Variants in SCOC observed in about 807,000 individuals in gnomAD.
SCOC encodes short coiled coil protein.
A neutral mutation model predicts 9.9 loss-of-function variants in SCOC; 7 were observed. The ratio of observed to expected loss-of-function variants is 0.71; its 90% CI spans 0.40 to 1.33. The LOEUF (loss-of-function observed/expected upper bound fraction) is 1.33. Ranked by LOEUF, SCOC falls within the 40% of genes most tolerant of loss-of-function variation. The pLI is 0.01. For synonymous variants in SCOC, 19 were observed against 28.2 expected (o/e 0.67, Z 1.03); for missense variants, 66 against 89.7 (o/e 0.74, Z 1.07).
chr4:140,365,556 C>T (rs540612756), intron 2 of SCOC, among the ~76,000 whole-genome samples: 313 of 152,272 alleles, frequency 2.1e-3, no homozygotes, highest in African/African-American at 7.2e-3. Flanking sequence ...ACAGAAATTA[C>T]AATGTATTTT....
At chr4:140,273,494 A>T (rs1730897798) in intron 1 of SCOC, among the ~76,000 whole-genome samples, 1 of 149,824 alleles carries the variant, frequency 6.7e-6, no homozygotes, top group Admixed American at 6.7e-5. Context: ...TTTGCTTTGG[A>T]CCAGCAGTGT....
At chr4:140,333,892 C>T (rs923312861) in intron 1 of SCOC, among the ~76,000 whole-genome samples, 1 of 152,002 alleles carries the variant, frequency 6.6e-6, no homozygotes, top group Non-Finnish European at 1.5e-5. Context: ...TTGTTTTTAC[C>T]AATTGCTGCC....
intron 1 of SCOC, among the ~76,000 whole-genome samples, chr4:140,258,782 T>A (rs571371813): frequency 1.3e-4 from 20 of 152,352 alleles, no homozygotes; most frequent in African/African-American, 4.3e-4. Flanking sequence ...GTGTAGAAAC[T>A]ATAGTTCCAT....
chr4:140,342,097 A>T (rs555658085), upstream of SCOC, among the ~76,000 whole-genome samples: 1 of 152,208 alleles, frequency 6.6e-6, no homozygotes, highest in South Asian at 2.1e-4. Flanking sequence ...CTAGCATTCA[A>T]ACCACTCTTA....
chr4:140,286,869 G>T (rs1560683251), intron 1 of SCOC, among the ~76,000 whole-genome samples: 2 of 152,112 alleles, frequency 1.3e-5, no homozygotes, highest in Non-Finnish European at 2.9e-5. Flanking sequence ...AGGTACTTTG[G>T]GAGGAAAGTG....
upstream of SCOC, chr4:140,373,471 T>A: frequency 1.9e-6 from 3 of 1,549,856 alleles, no homozygotes; most frequent in South Asian, 3.6e-5. Flanking sequence ...GTCAGTGTCC[T>A]TTTGTTATGG....
rs915907006 is a variant in SCOC at position 140,277,314 on chromosome 4, T to TG, written c.-19+19912dup. ...AGACCCCCCTCCCCACTGTATGAGT[T>TG]GGGGGGGGCAGGGGGTAGGGGAGCT... On this transcript the variant is annotated intron_variant, in intron 1 of 4. Transcript: ENST00000394205. Among the ~76,000 whole-genome samples, 111 of 151,326 alleles carry TG rather than the reference T, an allele frequency of 7.3e-4. 1 individual carries two copies. The highest frequency in any genetic ancestry group is 1.2e-3 in the African/African-American group (51 of 41,282).
chr4:140,375,709 T>C (rs1728315717), intron 1 of SCOC, among the ~76,000 whole-genome samples: 1 of 152,234 alleles, frequency 6.6e-6, no homozygotes, highest in Admixed American at 6.5e-5. Context: ...CTCTATGCGT[T>C]CTGCCTCCTG....
upstream of SCOC, among the ~76,000 whole-genome samples, chr4:140,341,280 C>A (rs1048893395): frequency 1.3e-5 from 2 of 152,096 alleles, no homozygotes; most frequent in African/African-American, 4.8e-5. Flanking sequence ...TTTATAAATT[C>A]TTTTATTAAG....
chr4:140,366,215 T>A, intron 2 of SCOC: 1 of 747,200 alleles, frequency 1.3e-6, no homozygotes, highest in Non-Finnish European at 1.8e-6. Flanking sequence ...ATAGAACTTT[T>A]ATTACTTTTC....
rs896401243 is a variant in SCOC, at chr4:140,384,908, TG to T, written c.*3805del. On this transcript the variant is annotated 3_prime_UTR_variant, in exon 4 of 4. Transcript: ENST00000608372. ...GGTGAAACCCTCATGAATGGGATTG[TG>T]TCATTAAAAGAAACCCCAGAGAGCT... 6.6e-6 allele frequency: 1 copy of T among 152,182 alleles called. No individual in the cohort carries two copies. Among genetic ancestry groups the T allele is most frequent in the Non-Finnish European group, 1.5e-5 (1 of 68,036 alleles). 9.4% of individuals were successfully genotyped at this position (152,182 alleles called of 1,614,324 possible).
At chr4:140,287,584 T>C (rs1560684039) in intron 1 of SCOC, among the ~76,000 whole-genome samples, 1 of 151,646 alleles carries the variant, frequency 6.6e-6, no homozygotes, top group Non-Finnish European at 1.5e-5. Context: ...CACATGCATA[T>C]ACCATATATC....
At chr4:140,334,161 A>G (rs1225909363) in intron 1 of SCOC, among the ~76,000 whole-genome samples, 1 of 152,184 alleles carries the variant, frequency 6.6e-6, no homozygotes, top group Non-Finnish European at 1.5e-5. Flanking sequence ...TCAAGCAATC[A>G]TCTTGCCTTG....
At chr4:140,289,064 C>G (rs193143937) in intron 1 of SCOC, among the ~76,000 whole-genome samples, 1 of 152,128 alleles carries the variant, frequency 6.6e-6, no homozygotes, top group Non-Finnish European at 1.5e-5. Context: ...CACACACAGA[C>G]CATTAACACA....
At chr4:140,369,317 A>C, upstream of SCOC, 2 of 421,354 alleles carry the variant, frequency 4.7e-6, no homozygotes, top group Non-Finnish European at 9.3e-6. Context: ...CACCAAATTC[A>C]GAACAGCATT....
At chr4:140,305,495 C>A (rs559066302) in intron 1 of SCOC, among the ~76,000 whole-genome samples, 1 of 152,152 alleles carries the variant, frequency 6.6e-6, no homozygotes, top group South Asian at 2.1e-4. Context: ...CACCTATAAT[C>A]AAAACTGCAA....
chr4:140,315,531 A>T (rs1732291615), intron 1 of SCOC, among the ~76,000 whole-genome samples: 1 of 152,194 alleles, frequency 6.6e-6, no homozygotes, highest in Non-Finnish European at 1.5e-5. Flanking sequence ...TCTGAAAAAC[A>T]CATCTCATCC....
intron 1 of SCOC, among the ~76,000 whole-genome samples, chr4:140,286,638 C>G (rs966613547): frequency 1.8e-4 from 27 of 152,244 alleles, no homozygotes; most frequent in African/African-American, 6.3e-4. Context: ...GCCGTGTGCC[C>G]GCGCCGTTCC....
In SCOC at chr4:140,379,107, T is replaced by C. The variant is rs1449373757; in HGVS notation, c.-50-14T>C. ...GCTGTATGTGTCTATATTTCTGAAT[T>C]TTTCTTATTGTAGACCATTCCTCAA... is the stretch of plus-strand genomic sequence containing the variant. On this transcript the variant is annotated splice_polypyrimidine_tract_variant and intron_variant, in intron 1 of 3. Transcript: ENST00000608372. 1 of 1,543,088 alleles carries C rather than the reference T, an allele frequency of 6.5e-7. No homozygotes were observed. Among genetic ancestry groups the C allele is most frequent in the Non-Finnish European group, 9.0e-7 (1 of 1,115,694 alleles).
Sources: allele counts gnomAD v4.1 joint callset (sites outside exome capture counted in the v4.1 genomes callset), GRCh38; gene constraint gnomAD v4.1.1; transcripts MANE v1.5; gene names NCBI Gene and HGNC (gene_info 2026-07-23, HGNC 2026-07-21).